The following RBM20 variants were observed in gnomAD, a reference collection of about 807,000 sequenced individuals.
RBM20 encodes the protein RNA-binding protein 20.
A neutral mutation model predicts 110.1 loss-of-function variants in RBM20; 51 were observed. That is an observed-to-expected ratio of 0.46 (90% CI 0.37 to 0.59). RBM20 has a LOEUF of 0.59. Among genes scored for constraint, RBM20 ranks in the 20% least tolerant of loss-of-function variants. The pLI, the probability that RBM20 is intolerant of heterozygous loss-of-function variation, is 0.00. For synonymous variants in RBM20, 589 were observed against 618.2 expected (o/e 0.95, Z 0.70); for missense variants, 1,512 against 1,574.9 (o/e 0.96, Z 0.68).
intron 1 of RBM20, among the ~76,000 whole-genome samples, chr10:110,742,163 G>A (rs1490787982): frequency 6.6e-6 from 1 of 152,158 alleles, no homozygotes; most frequent in Non-Finnish European, 1.5e-5. Context: ...TTCCTGACCT[G>A]ATGTTCTGCG....
At position 110,820,173 on chromosome 10, in the gene RBM20, G is replaced by T; in HGVS notation, c.2652G>T (p.Lys884Asn). The part of the protein sequence containing the change: ...EFSDPENTRT[K>N]KEQDWESESE... ...CTGATCCGGAAAACACAAGGACAAA[G>T]AAGGTAAAGTTTGTTTCAGATTCTG... The change falls in exon 10 of 14, where the codon AAG (lysine) becomes AAT (asparagine). Residue 884 changes from lysine to asparagine, a missense_variant. Coordinates refer to ENST00000369519, the MANE Select transcript of RBM20 (RefSeq NM_001134363.3). The T allele has an allele frequency of 6.5e-7, 1 of 1,548,970 alleles. No homozygotes were observed. The highest frequency in any genetic ancestry group is 8.7e-7 in the Non-Finnish European group (1 of 1,144,538).
At position 110,799,807 on chromosome 10, in the gene RBM20, C is replaced by T. The variant is rs1340341182; in HGVS notation, c.1689C>T (p.Tyr563=). The change falls in exon 7 of 14, where the codon TAC becomes TAT. Residue 563 remains tyrosine, a synonymous_variant. Transcript: ENST00000369519. ...STNQAFLEMA[Y]TEAAQAMVQY... is the part of the protein sequence containing the mutation. ...CTTAGGCCTTTTTAGAGATGGCTTA[C>T]ACAGAAGCTGCACAGGCCATGGTCC... The T allele has an allele frequency of 9.7e-6, 15 of 1,551,256 alleles. No homozygotes were observed. Among genetic ancestry groups the T allele is most frequent in the Non-Finnish European group, 1.1e-5 (13 of 1,146,722 alleles).
intron 1 of RBM20, among the ~76,000 whole-genome samples, chr10:110,777,636 A>G (rs1343686000): frequency 1.3e-5 from 2 of 152,134 alleles, no homozygotes; most frequent in African/African-American, 4.8e-5. Flanking sequence ...CCTGGGCCAT[A>G]CTCTGAAAAG....
At chr10:110,711,302 C>T (rs981308877) in intron 1 of RBM20, among the ~76,000 whole-genome samples, 2 of 133,124 alleles carry the variant, frequency 1.5e-5, no homozygotes, top group Admixed American at 8.8e-5. Flanking sequence ...TTCACTCCAG[C>T]CTGGGAGACA....
chr10:110,742,109 C>A (rs1843731579), intron 1 of RBM20, among the ~76,000 whole-genome samples: 1 of 152,104 alleles, frequency 6.6e-6, no homozygotes, highest in Non-Finnish European at 1.5e-5. Flanking sequence ...GATGTAGTTC[C>A]TGTAAAAAAT....
chr10:110,747,034 C>T (rs1843789070), intron 1 of RBM20, among the ~76,000 whole-genome samples: 1 of 152,092 alleles, frequency 6.6e-6, no homozygotes, highest in South Asian at 2.1e-4. Context: ...CAGTCTAGTC[C>T]ATTGTATTGT....
At chr10:110,683,513 T>A (rs1348670832) in intron 1 of RBM20, among the ~76,000 whole-genome samples, 2 of 152,280 alleles carry the variant, frequency 1.3e-5, no homozygotes, top group East Asian at 3.8e-4. Context: ...TATCCTCTTA[T>A]TCCTTAAGAG....
chr10:110,821,605 G>A lies in RBM20; in HGVS notation c.2986G>A (p.Asp996Asn). 1 of 1,551,346 alleles carries A rather than the reference G, an allele frequency of 6.4e-7. No individual in the cohort carries two copies. Among genetic ancestry groups the A allele is most frequent in the East Asian group, 2.4e-5 (1 of 40,918 alleles). The change falls in exon 11 of 14, where the codon GAC becomes AAC. Residue 996 changes from aspartate to asparagine, a missense_variant. Coordinates refer to ENST00000369519, the MANE Select transcript of RBM20 (RefSeq NM_001134363.3). ...TTCCACAAGCTGTCCCAGTGACATG[G>A]ACGTGGAAATGCCTGGCCTAAATCT... ...SASTSCPSDM[D>N]VEMPGLNLDA...
At chr10:110,743,079 C>A (rs1484448900) in intron 1 of RBM20, among the ~76,000 whole-genome samples, 1 of 152,168 alleles carries the variant, frequency 6.6e-6, no homozygotes, top group Admixed American at 6.5e-5. Flanking sequence ...TTCCGAAAAC[C>A]TCAGGGTTTA....
chr10:110,829,699 G>A (rs1342279306), intron 12 of RBM20, among the ~76,000 whole-genome samples: 2 of 152,210 alleles, frequency 1.3e-5, no homozygotes, highest in African/African-American at 2.4e-5. Context: ...CCTGGGAGGT[G>A]GGAGGAGGAA....
chr10:110,791,614 A>G (rs1416738028), intron 5 of RBM20, among the ~76,000 whole-genome samples: 1 of 146,904 alleles, frequency 6.8e-6, no homozygotes, highest in Non-Finnish European at 1.5e-5. Context: ...CCAGCTACAA[A>G]AGAGTTGAGG....
At chr10:110,686,333 G>A (rs939905321) in intron 1 of RBM20, among the ~76,000 whole-genome samples, 2 of 151,794 alleles carry the variant, frequency 1.3e-5, no homozygotes, top group Admixed American at 6.6e-5. Context: ...CTATAGTTAA[G>A]GTCATGGCTT....
rs747168352 is a variant in RBM20 at position 110,812,959 on chromosome 10, T to C, written c.2550+12T>C. On this transcript the variant is annotated intron_variant, in intron 9 of 13. Coordinates refer to ENST00000369519, the MANE Select transcript of RBM20 (RefSeq NM_001134363.3). The stretch of plus-strand genomic sequence containing the variant: ...TGGCAGAGAATGAGGTAATGATCAA[T>C]TTCTTCCCCAGGTAAGGCGAGGCAG... 8.3e-5 allele frequency: 119 copies of C among 1,439,780 alleles called. No individual in the cohort carries two copies. The highest frequency in any genetic ancestry group is 1.1e-4 in the Non-Finnish European group (117 of 1,092,258). 89.2% of individuals were successfully genotyped at this position (1,439,780 alleles called of 1,614,324 possible).
intron 1 of RBM20, among the ~76,000 whole-genome samples, chr10:110,720,904 G>C (rs1843497460): frequency 6.6e-6 from 1 of 152,212 alleles, no homozygotes; most frequent in African/African-American, 2.4e-5. Context: ...GGCCCTCCAT[G>C]GCCTTCACCT....
intron 1 of RBM20, among the ~76,000 whole-genome samples, chr10:110,670,074 CTTATT>C (rs1862236103): frequency 6.7e-6 from 1 of 149,922 alleles, no homozygotes; most frequent in Non-Finnish European, 1.5e-5. Flanking sequence ...TAGTTTCCAC[CTTATT>C]TTTTTTTTGA....
At chr10:110,824,034 C>T (rs1360357341) in intron 12 of RBM20, among the ~76,000 whole-genome samples, 10 of 151,878 alleles carry the variant, frequency 6.6e-5, no homozygotes, top group Non-Finnish European at 1.5e-5. Flanking sequence ...GCCGGCCTAT[C>T]GTTATTTTAA....
intron 7 of RBM20, among the ~76,000 whole-genome samples, chr10:110,803,636 A>G (rs1844658395): frequency 6.6e-6 from 1 of 152,054 alleles, no homozygotes; most frequent in African/African-American, 2.4e-5. Context: ...CCAAGCTGCC[A>G]TATTCCCTCT....
intron 1 of RBM20, among the ~76,000 whole-genome samples, chr10:110,657,553 G>C (rs1862042923): frequency 6.6e-6 from 1 of 152,098 alleles, no homozygotes; most frequent in Non-Finnish European, 1.5e-5. Context: ...CTGGAGAGTA[G>C]GCCCTTATCA....
At chr10:110,804,092 C>T (rs577279997) in intron 7 of RBM20, among the ~76,000 whole-genome samples, 1 of 152,284 alleles carries the variant, frequency 6.6e-6, no homozygotes, top group South Asian at 2.1e-4. Context: ...AAGAGAAAGC[C>T]AGAGTTTTTT....
Sources: gnomAD v4.1 joint callset for allele counts (sites outside exome capture counted in the v4.1 genomes callset) on GRCh38, gnomAD v4.1.1 for gene constraint, MANE v1.5 for transcripts, NCBI Gene and HGNC (gene_info 2026-07-23, HGNC 2026-07-21) for gene names.